NKAIN2: variants seen among roughly 807,000 people sequenced by gnomAD.
The protein encoded by NKAIN2 is sodium/potassium-transporting ATPase subunit beta-1-interacting protein 2.
A neutral mutation model predicts 32.6 loss-of-function variants in NKAIN2; 14 were observed. The ratio of observed to expected loss-of-function variants is 0.43; its 90% CI spans 0.28 to 0.67. NKAIN2 has a LOEUF of 0.67. NKAIN2 is among the 30% of genes least tolerant of loss of function. The pLI, the probability that NKAIN2 is intolerant of heterozygous loss-of-function variation, is 0.17. For synonymous variants in NKAIN2, 80 were observed against 87.2 expected, an observed-to-expected ratio of 0.92 and a Z score of 0.46; for missense variants, 198 against 258.3, an observed-to-expected ratio of 0.77 and a Z score of 1.60.
chr6:124,438,199 G>A (rs332613), intron 3 of NKAIN2, among the ~76,000 whole-genome samples: 46,044 of 151,872 alleles, frequency 0.3, 7,590 homozygotes, highest in African/African-American at 0.43. Flanking sequence ...GATAATCAGC[G>A]TCAAGCTGCA....
chr6:124,531,927 T>A (rs1015236265), intron 3 of NKAIN2, among the ~76,000 whole-genome samples: 1 of 152,200 alleles, frequency 6.6e-6, no homozygotes, highest in Non-Finnish European at 1.5e-5. Context: ...TGCCTTGTCC[T>A]CCCAAAGTGC....
chr6:124,656,339 A>G (rs1397454360), intron 3 of NKAIN2, among the ~76,000 whole-genome samples: 1 of 152,198 alleles, frequency 6.6e-6, no homozygotes. Context: ...AATTGTATTC[A>G]AAATTAAACT....
chr6:124,049,418 G>T (rs942372309), intron 1 of NKAIN2, among the ~76,000 whole-genome samples: 4 of 151,900 alleles, frequency 2.6e-5, no homozygotes, highest in Admixed American at 6.6e-5. Flanking sequence ...CAGATGTTTA[G>T]AGCTCCCCCG....
chr6:124,506,817 G>A (rs899005162), intron 3 of NKAIN2, among the ~76,000 whole-genome samples: 15 of 152,208 alleles, frequency 9.9e-5, no homozygotes, highest in African/African-American at 3.1e-4. Context: ...TTTGCAAGGT[G>A]TCTTTGGCAG....
chr6:124,063,155 A>G (rs1359309041), intron 1 of NKAIN2, among the ~76,000 whole-genome samples: 2 of 152,026 alleles, frequency 1.3e-5, no homozygotes, highest in African/African-American at 4.8e-5. Flanking sequence ...ACTGCACTCC[A>G]GCCTGGGCAA....
intron 4 of NKAIN2, among the ~76,000 whole-genome samples, chr6:124,743,244 A>C (rs796404814): frequency 6.6e-6 from 1 of 151,882 alleles, no homozygotes; most frequent in Non-Finnish European, 1.5e-5. Context: ...TTCCTATGTC[A>C]GAAGATTTTT....
chr6:123,928,682 T>C (rs1016379192), intron 1 of NKAIN2, among the ~76,000 whole-genome samples: 1 of 152,184 alleles, frequency 6.6e-6, no homozygotes, highest in African/African-American at 2.4e-5. Context: ...AGTGAATTGT[T>C]TAACCACTTT....
chr6:124,696,694 T>C (rs1774513382), intron 4 of NKAIN2, among the ~76,000 whole-genome samples: 2 of 152,164 alleles, frequency 1.3e-5, no homozygotes, highest in Admixed American at 6.5e-5. Context: ...AGGTGTCTTC[T>C]TGAGAATCAA....
rs1257797666 is a variant in NKAIN2 at position 123,923,337 on chromosome 6, T to C, written c.54+119083T>C. Among the ~76,000 whole-genome samples the C allele has an allele frequency of 4.6e-5, 7 of 152,132 alleles. 1 individual carries two copies. The highest frequency in any genetic ancestry group is 3.9e-4 in the Admixed American group (6 of 15,266). On this transcript the variant is annotated intron_variant, in intron 1 of 6. Transcript: ENST00000368417. The stretch of plus-strand genomic sequence containing the variant: ...TAGTTTGTATTAAAGTTGACATCTG[T>C]AACTTTTCACTATAAGCTTTTTTTT...
chr6:123,889,447 G>C (rs1323744710), intron 1 of NKAIN2, among the ~76,000 whole-genome samples: 1 of 152,062 alleles, frequency 6.6e-6, no homozygotes, highest in Admixed American at 6.6e-5. Context: ...TTAGAGGAAA[G>C]GAAAGAAGAA....
intron 1 of NKAIN2, among the ~76,000 whole-genome samples, chr6:123,882,132 G>A (rs956351835): frequency 2.0e-5 from 3 of 151,618 alleles, no homozygotes; most frequent in South Asian, 2.1e-4. Flanking sequence ...ACCAACCTCC[G>A]CATATTACTC....
intron 4 of NKAIN2, among the ~76,000 whole-genome samples, chr6:124,726,474 C>G (rs1013227304): frequency 2.2e-4 from 34 of 151,700 alleles, no homozygotes; most frequent in South Asian, 6.3e-4. Flanking sequence ...GCAGGGTATT[C>G]CAACAGACCT....
chr6:124,304,972 A>T (rs1796450580), intron 2 of NKAIN2, among the ~76,000 whole-genome samples: 1 of 152,142 alleles, frequency 6.6e-6, no homozygotes, highest in South Asian at 2.1e-4. Context: ...CAACTTACAT[A>T]ATGTCAGGAA....
At chr6:124,086,099 G>T (rs1275570180) in intron 1 of NKAIN2, among the ~76,000 whole-genome samples, 2 of 150,826 alleles carry the variant, frequency 1.3e-5, no homozygotes, top group Non-Finnish European at 2.9e-5. Context: ...CAGATTTAAA[G>T]AAATTTTCAT....
At chr6:124,437,871 G>GGT (rs751652394) in intron 3 of NKAIN2, 41 of 345,664 alleles carry the variant, frequency 1.2e-4, no homozygotes, top group Admixed American at 1.8e-4. Context: ...CTGATCTATT[G>GGT]ATTTTTTTTT....
chr6:124,664,410 T>C (rs530410045), intron 4 of NKAIN2, among the ~76,000 whole-genome samples: 1 of 152,242 alleles, frequency 6.6e-6, no homozygotes, highest in South Asian at 2.1e-4. Context: ...TAAACAAGAA[T>C]ACATTTTCAA....
chr6:124,199,057 T>C (rs534948504), intron 1 of NKAIN2, among the ~76,000 whole-genome samples: 26 of 152,334 alleles, frequency 1.7e-4, no homozygotes, highest in Non-Finnish European at 1.9e-4. Flanking sequence ...TTTATAATAT[T>C]AAAATGATGT....
chr6:124,401,019 A>C (rs62436284), intron 3 of NKAIN2, among the ~76,000 whole-genome samples: 6,797 of 152,216 alleles, frequency 0.045, 211 homozygotes, highest in African/African-American at 0.076. Flanking sequence ...TTCAAATGTC[A>C]TTATGCTTGT....
intron 3 of NKAIN2, among the ~76,000 whole-genome samples, chr6:124,618,905 G>A (rs937988796): frequency 1.3e-5 from 2 of 151,970 alleles, no homozygotes; most frequent in African/African-American, 4.8e-5. Flanking sequence ...GTTTGTTTTG[G>A]CATTATTAAC....
Sources: gnomAD v4.1 joint callset for allele counts (sites outside exome capture counted in the v4.1 genomes callset) on GRCh38, gnomAD v4.1.1 for gene constraint, MANE v1.5 for transcripts, NCBI Gene and HGNC (gene_info 2026-07-23, HGNC 2026-07-21) for gene names.